NALF1: variants seen among roughly 807,000 people sequenced by gnomAD.
NALF1 encodes the protein family with sequence similarity 155 member A.
Under a neutral mutation model 48.4 loss-of-function variants are expected in NALF1, and 3 were observed. The ratio of observed to expected loss-of-function variants is 0.06; its 90% CI spans 0.03 to 0.16. NALF1 has a LOEUF of 0.16. Among genes scored for constraint, NALF1 ranks in the 10% least tolerant of loss-of-function variants. NALF1 has a pLI of 1.00. For synonymous variants in NALF1, 262 were observed against 245.7 expected (o/e 1.07, Z -0.62); for missense variants, 526 against 571.5 (o/e 0.92, Z 0.81).
chr13:107,801,853 G>C (rs968498679), intron 1 of NALF1, among the ~76,000 whole-genome samples: 1 of 151,402 alleles, frequency 6.6e-6, no homozygotes, highest in Non-Finnish European at 1.5e-5. Flanking sequence ...TTTCCTCTTC[G>C]CACAGCCAGC....
intron 1 of NALF1, among the ~76,000 whole-genome samples, chr13:107,285,516 C>T (rs942396630): frequency 1.3e-5 from 2 of 152,190 alleles, no homozygotes; most frequent in African/African-American, 4.8e-5. Flanking sequence ...TGAAAACCCA[C>T]TGTGTACACT....
rs771222984 is a variant in NALF1 at position 107,824,061 on chromosome 13, A to T, written c.915+41621T>A. Among the ~76,000 whole-genome samples the T allele has an allele frequency of 6.6e-5, 10 of 152,098 alleles. No individual in the cohort carries two copies. The East Asian group carries it at 1.9e-3, about 29-fold the overall frequency. On this transcript the variant is annotated intron_variant, in intron 1 of 2. Transcript: ENST00000375915. The stretch of plus-strand genomic sequence containing the variant: ...TGTTCCTGTTTTCCTTATCCTGTGT[A>T]CCAGCTCATGGTATATGGATGGCTT...
intron 1 of NALF1, among the ~76,000 whole-genome samples, chr13:107,588,869 T>A (rs1169949846): frequency 3.3e-5 from 5 of 152,050 alleles, no homozygotes; most frequent in African/African-American, 7.2e-5. Context: ...CCTCGGTAAA[T>A]GGCAACGCCA....
At chr13:107,619,995 T>G (rs1443729605) in intron 1 of NALF1, among the ~76,000 whole-genome samples, 1 of 152,212 alleles carries the variant, frequency 6.6e-6, no homozygotes, top group Non-Finnish European at 1.5e-5. Context: ...GTCCTCTTTT[T>G]TGTGTGTTCA....
intron 1 of NALF1, among the ~76,000 whole-genome samples, chr13:107,583,467 T>A (rs1411011466): frequency 6.6e-6 from 1 of 152,194 alleles, no homozygotes; most frequent in Admixed American, 6.5e-5. Flanking sequence ...TATTTTTATG[T>A]CTTTTGGATG....
At chr13:107,556,350 T>TAGAG (rs778915739) in intron 1 of NALF1, among the ~76,000 whole-genome samples, 6 of 146,810 alleles carry the variant, frequency 4.1e-5, no homozygotes, top group African/African-American at 1.3e-4. Flanking sequence ...TATATATATA[T>TAGAG]AGAGAGAGAG....
intron 1 of NALF1, among the ~76,000 whole-genome samples, chr13:107,614,091 AGAG>A (rs1317816171): frequency 6.6e-6 from 1 of 152,170 alleles, no homozygotes; most frequent in African/African-American, 2.4e-5. Flanking sequence ...ATTAGATTTG[AGAG>A]GAGGAGTTTA....
chr13:107,463,365 G>A (rs946017298), intron 1 of NALF1, among the ~76,000 whole-genome samples: 3 of 152,208 alleles, frequency 2.0e-5, no homozygotes, highest in East Asian at 1.9e-4. Context: ...GGGCCCAGAG[G>A]GCATTATTCT....
intron 1 of NALF1, among the ~76,000 whole-genome samples, chr13:107,730,464 CTTTAA>C (rs1876278666): frequency 6.6e-6 from 1 of 152,294 alleles, no homozygotes; most frequent in South Asian, 2.1e-4. Flanking sequence ...AAACTTGAGA[CTTTAA>C]TTTACTATAA....
chr13:107,617,949 A>T (rs866620808), intron 1 of NALF1, among the ~76,000 whole-genome samples: 1 of 152,330 alleles, frequency 6.6e-6, no homozygotes, highest in Middle Eastern at 3.4e-3. Flanking sequence ...TGACAAATGC[A>T]TTTTGTTCAT....
chr13:107,865,090 G>A (rs936446502), intron 1 of NALF1, among the ~76,000 whole-genome samples: 1 of 152,154 alleles, frequency 6.6e-6, no homozygotes, highest in Non-Finnish European at 1.5e-5. Flanking sequence ...AGAGGAAACA[G>A]AAAACTTAAA....
chr13:107,845,496 T>C (rs566705563), intron 1 of NALF1, among the ~76,000 whole-genome samples: 296 of 152,298 alleles, frequency 1.9e-3, no homozygotes, highest in Non-Finnish European at 3.6e-3. Context: ...ACAAAATCCA[T>C]ACCAGTCACT....
At chr13:107,258,203 T>G (rs1033023668) in intron 1 of NALF1, among the ~76,000 whole-genome samples, 9 of 152,232 alleles carry the variant, frequency 5.9e-5, no homozygotes, top group African/African-American at 2.2e-4. Context: ...TGTATCTGAT[T>G]ATAGGTAAAA....
chr13:107,228,513 G>A (rs535028340), intron 1 of NALF1, among the ~76,000 whole-genome samples: 91 of 152,282 alleles, frequency 6.0e-4, no homozygotes, highest in African/African-American at 2.0e-3. Context: ...ACAATGCTCC[G>A]TTGTCACATG....
In NALF1 at chr13:107,185,178, C is replaced by T. The variant is rs896764994; in HGVS notation, c.1088-14392G>A. 5.9e-5 allele frequency among the ~76,000 whole-genome samples: 9 copies of T among 152,120 alleles called. No individual in the cohort carries two copies. In the East Asian group the frequency reaches 1.5e-3, roughly 26 times the overall value. ...CCTCCAGAACAGATGCCCCGCATAG[C>T]CTCAGGGGAACCTATCCTGCTGACA... On this transcript the variant is annotated intron_variant, in intron 2 of 2. Transcript: ENST00000375915.
At chr13:107,546,319 G>A (rs982807379) in intron 1 of NALF1, among the ~76,000 whole-genome samples, 1 of 152,104 alleles carries the variant, frequency 6.6e-6, no homozygotes, top group Non-Finnish European at 1.5e-5. Context: ...GAATCAATAC[G>A]AAGCACAAAC....
chr13:107,512,324 G>A (rs1401726841), intron 1 of NALF1, among the ~76,000 whole-genome samples: 1 of 152,182 alleles, frequency 6.6e-6, no homozygotes, highest in African/African-American at 2.4e-5. Context: ...AACCTGGGAG[G>A]CGGAGGTTGC....
intron 1 of NALF1, among the ~76,000 whole-genome samples, chr13:107,354,531 G>A (rs1256384935): frequency 6.6e-6 from 1 of 152,098 alleles, no homozygotes; most frequent in Admixed American, 6.5e-5. Flanking sequence ...CAGCAAGGGG[G>A]AAACCTGATC....
At chr13:107,586,354 C>A (rs1343733407) in intron 1 of NALF1, among the ~76,000 whole-genome samples, 2 of 152,070 alleles carry the variant, frequency 1.3e-5, no homozygotes, top group South Asian at 2.1e-4. Context: ...TAATAAAGAT[C>A]CTGGCAGTCA....
Sources: gnomAD v4.1 joint callset for allele counts (sites outside exome capture counted in the v4.1 genomes callset) on GRCh38, gnomAD v4.1.1 for gene constraint, MANE v1.5 for transcripts, NCBI Gene and HGNC (gene_info 2026-07-23, HGNC 2026-07-21) for gene names.